Variants in OPCML observed in about 807,000 individuals in gnomAD.
The protein encoded by OPCML is opioid binding protein/cell adhesion molecule like.
OPCML carries 13 observed loss-of-function variants against 37.8 expected under a neutral mutation model. That is an observed-to-expected ratio of 0.34 (90% CI 0.22 to 0.55). OPCML has a LOEUF of 0.55. Among genes scored for constraint, OPCML ranks in the 20% least tolerant of loss-of-function variants. The pLI is 0.91. For missense variants in OPCML, 341 were observed against 435.6 expected, an observed-to-expected ratio of 0.78 and a Z score of 1.93; for synonymous variants, 176 against 168.8, an observed-to-expected ratio of 1.04 and a Z score of -0.33.
Position 132,580,244 on chromosome 11 carries a change from A to G in OPCML, c.380-51058T>C, listed in dbSNP as rs192056779. 8.4e-4 allele frequency among the ~76,000 whole-genome samples: 128 copies of G among 152,346 alleles called. 2 individuals carry two copies. In the South Asian group the frequency reaches 0.025, roughly 30 times the overall value. ...GGAAACCCAACAACTTAATTATCCA[A>G]TAATAGGGAGACATATTGGTAAATT... is the stretch of plus-strand genomic sequence containing the variant. On this transcript the variant is annotated intron_variant, in intron 3 of 7. Transcript: ENST00000524381.
In OPCML at chr11:133,455,772, CTT is replaced by C. The variant is rs1033975298; in HGVS notation, c.61+76490_61+76491del. Among the ~76,000 whole-genome samples, 126 of 152,272 alleles carry C rather than the reference CTT, an allele frequency of 8.3e-4. 1 individual carries two copies. Among genetic ancestry groups the C allele is most frequent in the African/African-American group, 3.0e-3 (125 of 41,552 alleles). ...AATATCTGCAGATATACTAAAATGA[CTT>C]TATATGAGCTCTGAAAACTAGTCAA... On this transcript the variant is annotated intron_variant, in intron 1 of 7. Transcript: ENST00000524381.
intron 1 of OPCML, among the ~76,000 whole-genome samples, chr11:133,029,076 A>G (rs1947618810): frequency 6.6e-6 from 1 of 152,216 alleles, no homozygotes; most frequent in African/African-American, 2.4e-5. Context: ...ACACTTCTTT[A>G]AAAAAGATAT....
rs932156828 is a variant in OPCML, at chr11:133,215,583, G to C, written c.62-272573C>G. ...AGATTGGTGAAAAGAAAACTGGAAAGGCCTGGGGAAACAGTGAGGTAAAGC... is the reference window on the plus strand; with the variant it reads ...AGATTGGTGAAAAGAAAACTGGAAACGCCTGGGGAAACAGTGAGGTAAAGC... On this transcript the variant is annotated intron_variant, in intron 1 of 7. Coordinates refer to ENST00000524381, the MANE Select transcript of OPCML (RefSeq NM_001012393.5). 2.0e-5 allele frequency among the ~76,000 whole-genome samples: 3 copies of C among 152,310 alleles called. No individual in the cohort carries two copies. In the East Asian group the frequency reaches 5.8e-4, roughly 29 times the overall value.
At chr11:133,063,933 T>C (rs1948395065) in intron 1 of OPCML, among the ~76,000 whole-genome samples, 1 of 152,192 alleles carries the variant, frequency 6.6e-6, no homozygotes, top group Non-Finnish European at 1.5e-5. Flanking sequence ...TCATGGGTGT[T>C]TTTGTGAAAC....
chr11:133,125,900 GTA>G (rs964117850), intron 1 of OPCML, among the ~76,000 whole-genome samples: 5 of 138,040 alleles, frequency 3.6e-5, no homozygotes, highest in African/African-American at 1.4e-4. Context: ...ATATACACAT[GTA>G]TATATAGACA....
intron 1 of OPCML, among the ~76,000 whole-genome samples, chr11:133,308,958 A>G (rs534819255): frequency 1.3e-5 from 2 of 152,236 alleles, no homozygotes; most frequent in African/African-American, 4.8e-5. Flanking sequence ...TCACATTGAT[A>G]TAAACGAATA....
chr11:132,931,432 T>C (rs1222656622), intron 2 of OPCML, among the ~76,000 whole-genome samples: 1 of 152,074 alleles, frequency 6.6e-6, no homozygotes, highest in Non-Finnish European at 1.5e-5. Flanking sequence ...CTGATAAGGG[T>C]CAATATCCAG....
chr11:132,616,487 A>G (rs1294577303), intron 3 of OPCML, among the ~76,000 whole-genome samples: 1 of 152,172 alleles, frequency 6.6e-6, no homozygotes, highest in Non-Finnish European at 1.5e-5. Flanking sequence ...TAACTTAGGG[A>G]TATGTATTAA....
At chr11:132,451,721 G>C (rs1592195409) in intron 4 of OPCML, among the ~76,000 whole-genome samples, 1 of 152,128 alleles carries the variant, frequency 6.6e-6, no homozygotes, top group Non-Finnish European at 1.5e-5. Flanking sequence ...GCCTCCTACT[G>C]GGTGGAAGGT....
intron 1 of OPCML, among the ~76,000 whole-genome samples, chr11:133,311,780 T>G (rs1943072711): frequency 2.0e-5 from 3 of 152,222 alleles, no homozygotes; most frequent in Middle Eastern, 6.8e-3. Context: ...TTGGGGAAAC[T>G]GGGGCATAGA....
chr11:133,271,233 A>G (rs751278550), intron 1 of OPCML, among the ~76,000 whole-genome samples: 1 of 152,214 alleles, frequency 6.6e-6, no homozygotes, highest in Admixed American at 6.5e-5. Context: ...TAACATACAT[A>G]AAGTATCTCA....
Position 133,408,274 on chromosome 11 carries a change from A to C in OPCML, c.61+123990T>G, listed in dbSNP as rs192024814. Among the ~76,000 whole-genome samples the C allele has an allele frequency of 1.4e-3, 218 of 152,354 alleles. 1 individual carries two copies. Among genetic ancestry groups the C allele is most frequent in the Non-Finnish European group, 2.4e-3 (166 of 68,032 alleles). On this transcript the variant is annotated intron_variant, in intron 1 of 7. Coordinates refer to ENST00000524381, the MANE Select transcript of OPCML (RefSeq NM_001012393.5). ...AAAAACAGTAAGATAATATTTACCC[A>C]GTCTTTGGTGAATCAGTGAGTGACA...
intron 1 of OPCML, among the ~76,000 whole-genome samples, chr11:133,367,801 T>TG (rs1359202388): frequency 6.6e-6 from 1 of 152,192 alleles, no homozygotes; most frequent in African/African-American, 2.4e-5. Flanking sequence ...ACAGATAACT[T>TG]GCTTCAGGGG....
chr11:132,650,575 T>TACAC (rs778030618), intron 3 of OPCML, among the ~76,000 whole-genome samples: 2 of 149,978 alleles, frequency 1.3e-5, no homozygotes, highest in African/African-American at 4.9e-5. Context: ...CCAATTGACA[T>TACAC]ACACACACAC....
chr11:133,348,605 C>T (rs1944055545), intron 1 of OPCML, among the ~76,000 whole-genome samples: 6 of 152,164 alleles, frequency 3.9e-5, no homozygotes, highest in South Asian at 4.1e-4. Context: ...GGGACTTTGG[C>T]ACAAAGCTCT....
At chr11:133,025,545 A>T in intron 1 of OPCML, 2 of 828,882 alleles carry the variant, frequency 2.4e-6, no homozygotes, top group Middle Eastern at 6.1e-4. Context: ...CTGAAAATTT[A>T]AAAAGAGTGG....
intron 1 of OPCML, among the ~76,000 whole-genome samples, chr11:132,979,469 G>A (rs1176497072): frequency 6.6e-6 from 1 of 152,162 alleles, no homozygotes; most frequent in East Asian, 1.9e-4. Flanking sequence ...TTCTTAAAAG[G>A]CTCTTTCTCC....
At chr11:133,505,069 C>T (rs1488950758) in intron 1 of OPCML, among the ~76,000 whole-genome samples, 3 of 152,216 alleles carry the variant, frequency 2.0e-5, no homozygotes, top group African/African-American at 7.2e-5. Context: ...CTGAGGCGAT[C>T]GCAGGCTCTC....
rs475056 is a variant in OPCML, at chr11:133,173,363, A to G, written c.62-230353T>C. Among the ~76,000 whole-genome samples the G allele has an allele frequency of 0.51, 76,814 of 152,072 alleles. 19,912 individuals are homozygous for G. Among genetic ancestry groups the G allele is most frequent in the South Asian group, 0.64 (3,068 of 4,820 alleles). Reference sequence around the variant, plus strand: ...AACATTCTTGGAGTCTGAGACTCATAGAGAGGGTATCGATAGGAGTACAGA... The same window carrying G: ...AACATTCTTGGAGTCTGAGACTCATGGAGAGGGTATCGATAGGAGTACAGA... On this transcript the variant is annotated intron_variant, in intron 1 of 7. Coordinates refer to ENST00000524381, the MANE Select transcript of OPCML (RefSeq NM_001012393.5). The surrounding 1 kb of genome is among the most constrained non-coding windows in gnomAD (Gnocchi z 7.8).
Sources: gnomAD v4.1 joint callset for allele counts (sites outside exome capture counted in the v4.1 genomes callset) on GRCh38, gnomAD v4.1.1 for gene constraint, Gnocchi (gnomAD v3.1) non-coding constraint, MANE v1.5 for transcripts, NCBI Gene and HGNC (gene_info 2026-07-23, HGNC 2026-07-21) for gene names.